The following CACNB2 variants were observed in gnomAD, a reference collection of about 807,000 sequenced individuals.
CACNB2 encodes voltage-dependent L-type calcium channel subunit beta-2.
In CACNB2, 42 loss-of-function variants were observed where a neutral mutation model predicts 73.3. The observed-to-expected ratio is 0.57, with a 90% CI of 0.45 to 0.74. The LOEUF (loss-of-function observed/expected upper bound fraction) is 0.74. Ranked by LOEUF, CACNB2 falls within the 30% of genes least tolerant of loss-of-function variation. The probability of loss-of-function intolerance (pLI) is 0.00; values close to 1 mark genes in which losing one functional copy is unlikely to be tolerated. For synonymous variants in CACNB2, 348 were observed against 310.3 expected (o/e 1.12, Z -1.28); for missense variants, 940 against 853.0 (o/e 1.10, Z -1.27).
chr10:18,469,039 G>A lies in CACNB2; in HGVS notation c.334-29316G>A, dbSNP rs542977639. On this transcript the variant is annotated intron_variant, in intron 3 of 13. Coordinates refer to ENST00000324631, the MANE Select transcript of CACNB2 (RefSeq NM_201596.3). ...ATAATATTAAGAATTGTTTGACCCA[G>A]GAGTGCAAAAGCAGCCTGGGCAACA... Among the ~76,000 whole-genome samples, 16 of 152,280 alleles carry A rather than the reference G, an allele frequency of 1.1e-4. No individual in the cohort carries two copies. In the South Asian group the frequency reaches 3.1e-3, roughly 30 times the overall value.
intron 2 of CACNB2, chr10:18,262,097 A>G: frequency 2.0e-6 from 1 of 500,318 alleles, no homozygotes; most frequent in Admixed American, 2.1e-5. Flanking sequence ...GGCTGGGCAA[A>G]CTGCAGTGCT....
chr10:18,480,742 A>G (rs1472088624), intron 3 of CACNB2, among the ~76,000 whole-genome samples: 1 of 152,172 alleles, frequency 6.6e-6, no homozygotes, highest in African/African-American at 2.4e-5. Flanking sequence ...CTAAGAGAAA[A>G]TAGACGAATT....
chr10:18,356,694 G>T (rs1375144665), intron 2 of CACNB2, among the ~76,000 whole-genome samples: 1 of 151,500 alleles, frequency 6.6e-6, no homozygotes, highest in African/African-American at 2.4e-5. Flanking sequence ...GCACTGACAT[G>T]ATTGCAGCTC....
intron 2 of CACNB2, among the ~76,000 whole-genome samples, chr10:18,309,236 G>A (rs986234031): frequency 3.3e-5 from 5 of 152,102 alleles, no homozygotes; most frequent in African/African-American, 1.2e-4. Context: ...TATGACGGGA[G>A]AAAGAGGGGA....
chr10:18,410,655 G>A (rs1321364056), intron 3 of CACNB2, among the ~76,000 whole-genome samples: 1 of 152,120 alleles, frequency 6.6e-6, no homozygotes, highest in Non-Finnish European at 1.5e-5. Flanking sequence ...ATAGGTGGCA[G>A]GTGTGAAACT....
chr10:18,535,760 G>T (rs1043553699), intron 11 of CACNB2, among the ~76,000 whole-genome samples: 1 of 151,516 alleles, frequency 6.6e-6, no homozygotes, highest in East Asian at 1.9e-4. Context: ...GCAACAGAGC[G>T]AGACTACATC....
intron 2 of CACNB2, among the ~76,000 whole-genome samples, chr10:18,267,946 CAAG>C (rs548376514): frequency 9.3e-4 from 141 of 152,304 alleles, no homozygotes; most frequent in African/African-American, 3.1e-3. Context: ...TTCTATGAAA[CAAG>C]AATAATAAGA....
At chr10:18,363,028 TTGTC>T (rs1472158215) in intron 2 of CACNB2, among the ~76,000 whole-genome samples, 10 of 152,226 alleles carry the variant, frequency 6.6e-5, no homozygotes, top group Non-Finnish European at 1.2e-4. Context: ...CAAAAGCTGA[TTGTC>T]TGTGTTGAAG....
At chr10:18,466,515 T>A (rs1393521209) in intron 3 of CACNB2, among the ~76,000 whole-genome samples, 2 of 152,130 alleles carry the variant, frequency 1.3e-5, no homozygotes, top group Non-Finnish European at 2.9e-5. Flanking sequence ...GTATTTCTCA[T>A]CAGCTTGGTT....
chr10:18,470,928 G>C (rs548643885), intron 3 of CACNB2, among the ~76,000 whole-genome samples: 1 of 152,254 alleles, frequency 6.6e-6, no homozygotes, highest in South Asian at 2.1e-4. Context: ...GCCAGTGTCC[G>C]TTCTCCTGGT....
Position 18,539,155 on chromosome 10 carries a change from G to C in CACNB2, c.1489-75G>C, listed in dbSNP as rs1033643652. The C allele has an allele frequency of 2.5e-6, 4 of 1,587,730 alleles. No individual in the cohort carries two copies. In the East Asian group the frequency reaches 6.7e-5, roughly 27 times the overall value. On this transcript the variant is annotated intron_variant, in intron 13 of 13. Coordinates refer to ENST00000324631, the MANE Select transcript of CACNB2 (RefSeq NM_201596.3). ...CGGATGCTTAAAAAGGACTCTGCTT[G>C]AATGCACTTGCTCTGGGACATGTTC... is the stretch of plus-strand genomic sequence containing the variant.
At chr10:18,205,081 GT>G (rs1468004956) in intron 2 of CACNB2, among the ~76,000 whole-genome samples, 2 of 72,272 alleles carry the variant, frequency 2.8e-5, no homozygotes, top group South Asian at 5.2e-4. Flanking sequence ...GTTTTTGAGG[GT>G]TTTTAAAAAA....
intron 2 of CACNB2, among the ~76,000 whole-genome samples, chr10:18,164,873 ACT>A (rs2032739040): frequency 6.6e-6 from 1 of 152,018 alleles, no homozygotes; most frequent in South Asian, 2.1e-4. Context: ...GGACTTCCTG[ACT>A]CTGCTAGACT....
At chr10:18,519,172 G>A (rs1211301047) in intron 9 of CACNB2, among the ~76,000 whole-genome samples, 1 of 152,080 alleles carries the variant, frequency 6.6e-6, no homozygotes, top group Non-Finnish European at 1.5e-5. Flanking sequence ...TCTAGTTCCT[G>A]TACCTACATC....
intron 2 of CACNB2, among the ~76,000 whole-genome samples, chr10:18,373,510 C>T (rs752170723): frequency 4.2e-4 from 64 of 152,084 alleles, no homozygotes; most frequent in Non-Finnish European, 8.2e-4. Context: ...ATGAGGAATT[C>T]GAGGCTTAAT....
chr10:18,197,697 T>G (rs2034688124), intron 2 of CACNB2, among the ~76,000 whole-genome samples: 1 of 152,116 alleles, frequency 6.6e-6, no homozygotes, highest in Admixed American at 6.6e-5. Flanking sequence ...AGCATTGCCA[T>G]GTTCTGAGTA....
At chr10:18,464,425 A>T (rs926116041) in intron 3 of CACNB2, among the ~76,000 whole-genome samples, 16 of 133,084 alleles carry the variant, frequency 1.2e-4, no homozygotes, top group Admixed American at 3.6e-4. Flanking sequence ...AATTAAAAAA[A>T]AAAAAAAAAA....
chr10:18,161,644 TAAC>T (rs1228264533), intron 2 of CACNB2, among the ~76,000 whole-genome samples: 3 of 150,128 alleles, frequency 2.0e-5, no homozygotes, highest in African/African-American at 7.3e-5. Context: ...TTTTTTTTTA[TAAC>T]AACTGCCCCT....
chr10:18,300,044 G>A (rs1048981765), intron 2 of CACNB2, among the ~76,000 whole-genome samples: 4 of 150,782 alleles, frequency 2.7e-5, no homozygotes, highest in South Asian at 2.1e-4. Context: ...ATTTTGAGAC[G>A]GAGTTTCACT....
Sources: allele counts gnomAD v4.1 joint callset (sites outside exome capture counted in the v4.1 genomes callset), GRCh38; gene constraint gnomAD v4.1.1; transcripts MANE v1.5; gene names NCBI Gene and HGNC (gene_info 2026-07-23, HGNC 2026-07-21).